Variants in F2 observed in about 807,000 individuals in gnomAD.
F2 encodes the protein coagulation factor II, thrombin.
A neutral mutation model predicts 81.9 loss-of-function variants in F2; 34 were observed. The ratio of observed to expected loss-of-function variants is 0.42; its 90% CI spans 0.32 to 0.55. The LOEUF (loss-of-function observed/expected upper bound fraction) is 0.55, where lower values mean the gene tolerates loss of function less well. Among genes scored for constraint, F2 ranks in the 20% least tolerant of loss-of-function variants. The pLI, the probability that F2 is intolerant of heterozygous loss-of-function variation, is 0.18. For synonymous variants in F2, 296 were observed against 326.4 expected (o/e 0.91, Z 1.01); for missense variants, 630 against 833.4 (o/e 0.76, Z 3.00).
chr11:46,731,912 G>GTT (rs71042616), intron 12 of F2, among the ~76,000 whole-genome samples: 845 of 87,988 alleles, frequency 9.6e-3, no homozygotes, highest in East Asian at 0.013. Context: ...ACACTTTGAT[G>GTT]TTTTTTTTTT....
rs1304033671 is a variant in F2, at chr11:46,723,050, A to AG, written c.317-126dup. The stretch of plus-strand genomic sequence containing the variant: ...GGAGAACTGCTGGTTGCAGAGGAAG[A>AG]GGGGCTGGGTGAATGCAGGTTCAGG... On this transcript the variant is annotated intron_variant, in intron 4 of 13. Transcript: ENST00000311907. The surrounding 1 kb of genome is among the most constrained non-coding windows in gnomAD (Gnocchi z 5.6). 1 of 816,842 alleles carries AG rather than the reference A, an allele frequency of 1.2e-6. No homozygotes were observed. The highest frequency in any genetic ancestry group is 2.2e-6 in the Non-Finnish European group (1 of 456,814). 50.6% of individuals were successfully genotyped at this position (816,842 alleles called of 1,614,324 possible).
rs149709577 is a variant in F2 at position 46,738,468 on chromosome 11, C to T, written c.1655-580C>T. Among the ~76,000 whole-genome samples the T allele has an allele frequency of 2.1e-3, 314 of 151,394 alleles. 1 individual carries two copies. The highest frequency in any genetic ancestry group is 6.9e-3 in the African/African-American group (284 of 41,256). On this transcript the variant is annotated intron_variant, in intron 12 of 13. Transcript: ENST00000311907. ...TTTTAATTTAAATTTTTTTCTTGGT[C>T]TTTTATCATTAATTAATTTTTTCGA...
rs760316852 is a variant in F2, at chr11:46,725,836, C to T, written c.560-23C>T. The stretch of plus-strand genomic sequence containing the variant: ...ATGTGTGGTCTCACTCACTCTGCTG[C>T]CTCCTTGCCCCTCACCCACCAGGCC... On this transcript the variant is annotated intron_variant, in intron 6 of 13. Transcript: ENST00000311907. 6 of 1,610,902 alleles carry T rather than the reference C, an allele frequency of 3.7e-6. No homozygotes were observed. The Admixed American group carries it at 5.0e-5, about 13-fold the overall frequency.
In F2 at chr11:46,723,750, C is replaced by T. The variant is rs1049455836; in HGVS notation, c.559+232C>T. Among the ~76,000 whole-genome samples, 3 of 152,122 alleles carry T rather than the reference C, an allele frequency of 2.0e-5. No homozygotes were observed. Among genetic ancestry groups the T allele is most frequent in the Admixed American group, 6.6e-5 (1 of 15,266 alleles). On this transcript the variant is annotated intron_variant, in intron 6 of 13. Coordinates refer to ENST00000311907, the MANE Select transcript of F2 (RefSeq NM_000506.5). This position sits in a 1 kb window ranked among gnomAD's most constrained non-coding sequence, Gnocchi z 5.6. ...TACTAAAAATACAAAAATTGCCAGG[C>T]GTGGTGGTGGGCGCCTGTAATCCCA...
chr11:46,726,451 T>TGAG lies in F2; in HGVS notation c.875-44_875-42dup, dbSNP rs760233767. ...GAATTGGGGGGATCTAGGGGATGGG[T>TGAG]GAGGAATGGCCCAGCCCAGTCCCAG... On this transcript the variant is annotated intron_variant, in intron 7 of 13. Coordinates refer to ENST00000311907, the MANE Select transcript of F2 (RefSeq NM_000506.5). This position sits in a 1 kb window ranked among gnomAD's most constrained non-coding sequence, Gnocchi z 5.9. The TGAG allele has an allele frequency of 5.6e-6, 9 of 1,594,940 alleles. No individual in the cohort carries two copies. Among genetic ancestry groups the TGAG allele is most frequent in the Non-Finnish European group, 6.8e-6 (8 of 1,171,244 alleles).
intron 4 of F2, among the ~76,000 whole-genome samples, chr11:46,722,309 C>A (rs958824136): frequency 6.6e-6 from 1 of 152,076 alleles, no homozygotes; most frequent in African/African-American, 2.4e-5. Flanking sequence ...AAAATGATTG[C>A]GGCCGGGTGT....
In F2 at chr11:46,719,260, C is replaced by A. The variant is rs1385031430; in HGVS notation, c.25C>A (p.Leu9Met). The A allele has an allele frequency of 6.2e-7, 1 of 1,613,752 alleles. No homozygotes were observed. Among genetic ancestry groups the A allele is most frequent in the South Asian group, 1.1e-5 (1 of 91,080 alleles). MAHVRGLQLPGCLALAALC... is the reference protein window; with the variant it reads MAHVRGLQMPGCLALAALC... ...TATGGCGCACGTCCGAGGCTTGCAG[C>A]TGCCTGGCTGCCTGGCCCTGGCTGC... The change falls in exon 1 of 14, where the codon CTG (leucine) becomes ATG (methionine). Residue 9 changes from leucine (L) to methionine (M), a missense_variant. By Grantham distance (15) the Leu-to-Met change is conservative (BLOSUM62 2). Coordinates refer to ENST00000311907, the MANE Select transcript of F2 (RefSeq NM_000506.5). The surrounding 1 kb of genome is among the most constrained non-coding windows in gnomAD (Gnocchi z 4.7).
chr11:46,728,274 A>C lies in F2; in HGVS notation c.1298+111A>C, dbSNP rs3136471. On this transcript the variant is annotated intron_variant, in intron 10 of 13. Transcript: ENST00000311907. The surrounding 1 kb of genome is among the most constrained non-coding windows in gnomAD (Gnocchi z 5.1). ...ATAGGATGTTCTGTATACCCCCCAG[A>C]ATATAACATCCCAGCAGTCTCTGCT... The C allele has an allele frequency of 8.5e-7, 1 of 1,182,306 alleles. No homozygotes were observed. Among genetic ancestry groups the C allele is most frequent in the Non-Finnish European group, 1.2e-6 (1 of 817,840 alleles). The allele number at this position is 1,182,306 out of a possible 1,614,324, so 73.2% of individuals were successfully genotyped here. A position where few individuals can be genotyped will look rare whatever the true frequency, so the allele number is the denominator to read the frequency against.
chr11:46,720,644 C>T (rs2064830384), intron 3 of F2, 97 bp downstream of exon 3: 2 of 1,518,274 alleles, frequency 1.3e-6, no homozygotes, highest in South Asian at 2.2e-5. Context: ...TAGCCATCCA[C>T]CCATCCACCC....
intron 12 of F2, among the ~76,000 whole-genome samples, chr11:46,736,990 A>T (rs556757228): frequency 1.3e-5 from 2 of 152,174 alleles, no homozygotes; most frequent in South Asian, 4.2e-4. Context: ...ATCTTTCTTG[A>T]CTGCTGCAAT....
intron 9 of F2, 31 bp from the exon 10 acceptor site, chr11:46,727,965 A>G (rs1241268681): frequency 6.3e-7 from 1 of 1,593,010 alleles, no homozygotes; most frequent in South Asian, 1.1e-5. Context: ...CCTCATCCTC[A>G]GCTCCTAATG....
In F2 at chr11:46,726,722, C is replaced by A; in HGVS notation, c.1015C>A (p.Arg339=). ...FGSGEADCGL[R]PLFEKKSLED... The stretch of plus-strand genomic sequence containing the variant: ...GGCTTGCTCTGCAGACTGTGGGCTG[C>A]GACCTCTGTTCGAGAAGAAGTCGCT... Residue 339 remains arginine, a synonymous_variant, in exon 9 of 14, where the codon CGA becomes AGA. Transcript: ENST00000311907. This position sits in a 1 kb window ranked among gnomAD's most constrained non-coding sequence, Gnocchi z 5.9. 6.2e-7 allele frequency: 1 copy of A among 1,614,230 alleles called. No individual in the cohort carries two copies. Among genetic ancestry groups the A allele is most frequent in the Non-Finnish European group, 8.5e-7 (1 of 1,180,044 alleles).
intron 6 of F2, among the ~76,000 whole-genome samples, chr11:46,725,649 T>G (rs2064867001): frequency 1.3e-5 from 2 of 152,190 alleles, no homozygotes; most frequent in African/African-American, 4.8e-5. Flanking sequence ...GCCAGACACT[T>G]ATGCTGTATA....
intron 6 of F2, among the ~76,000 whole-genome samples, chr11:46,724,499 A>G (rs1592411076): frequency 6.6e-6 from 1 of 152,198 alleles, no homozygotes; most frequent in East Asian, 1.9e-4. Flanking sequence ...GACACAGAAA[A>G]CAATGAACAG....
rs745611659 is a variant in F2, at chr11:46,719,213, A to T, written c.-23A>T. Reference sequence around the variant, plus strand: ...GAGGGGTCAGGACAGACAATTCCTCAGTGACCCAGGAGCTGACACACTATG... The same window carrying T: ...GAGGGGTCAGGACAGACAATTCCTCTGTGACCCAGGAGCTGACACACTATG... On this transcript the variant is annotated 5_prime_UTR_variant, in exon 1 of 14. Transcript: ENST00000311907. This position sits in a 1 kb window ranked among gnomAD's most constrained non-coding sequence, Gnocchi z 4.7. 1.2e-6 allele frequency: 2 copies of T among 1,613,410 alleles called. No homozygotes were observed. The highest frequency in any genetic ancestry group is 1.7e-6 in the Non-Finnish European group (2 of 1,179,718).
intron 12 of F2, among the ~76,000 whole-genome samples, chr11:46,730,362 G>A (rs1465143405): frequency 6.6e-6 from 1 of 152,112 alleles, no homozygotes; most frequent in Non-Finnish European, 1.5e-5. Context: ...CCCTGAGAAG[G>A]TGATGTCTGG....
chr11:46,729,247 C>T lies in F2; in HGVS notation c.1473-133C>T, dbSNP rs566169487. On this transcript the variant is annotated intron_variant, in intron 11 of 13. Coordinates refer to ENST00000311907, the MANE Select transcript of F2 (RefSeq NM_000506.5). ...CACCCGCCTCGGCCTCCCAAAGTGC[C>T]GAGACCACAGGCGTGAACGTCTGTG... 1.7e-4 allele frequency: 168 copies of T among 1,016,316 alleles called. 2 individuals carry two copies. The Middle Eastern group carries it at 1.7e-3, about 10-fold the overall frequency. 63.0% of individuals were successfully genotyped at this position (1,016,316 alleles called of 1,614,324 possible).
intron 12 of F2, among the ~76,000 whole-genome samples, chr11:46,736,806 T>C (rs1311388869): frequency 6.6e-6 from 1 of 152,236 alleles, no homozygotes; most frequent in Non-Finnish European, 1.5e-5. Context: ...ATGTTTGTTT[T>C]TCCATATGAA....
intron 12 of F2, among the ~76,000 whole-genome samples, chr11:46,734,244 C>T (rs3136490): frequency 0.11 from 17,077 of 151,978 alleles, 1,373 homozygotes; most frequent in African/African-American, 0.23. Context: ...TCCACAGGTG[C>T]GTGCCTGGCT....
Sources: gnomAD v4.1 joint callset for allele counts (sites outside exome capture counted in the v4.1 genomes callset) on GRCh38, gnomAD v4.1.1 for gene constraint, Gnocchi (gnomAD v3.1) non-coding constraint, MANE v1.5 for transcripts, NCBI Gene and HGNC (gene_info 2026-07-23, HGNC 2026-07-21) for gene names.